The following CCDC144A variants were observed in gnomAD, a reference collection of about 807,000 sequenced individuals.
CCDC144A encodes the protein coiled-coil domain containing 144A, also known as coiled-coil domain-containing protein 144A.
Under a neutral mutation model 143.8 loss-of-function variants are expected in CCDC144A, and 41 were observed. The ratio of observed to expected loss-of-function variants is 0.29; its 90% CI spans 0.22 to 0.37. The LOEUF (loss-of-function observed/expected upper bound fraction) is 0.37, where lower values mean the gene tolerates loss of function less well. Among genes scored for constraint, CCDC144A ranks in the 10% least tolerant of loss-of-function variants. The pLI, the probability that CCDC144A is intolerant of heterozygous loss-of-function variation, is 1.00. For synonymous variants in CCDC144A, 242 were observed against 517.9 expected (o/e 0.47, Z 7.23); for missense variants, 637 against 1,488.8 (o/e 0.43, Z 9.41).
intron 2 of CCDC144A, among the ~76,000 whole-genome samples, chr17:16,698,647 CTCAAG>C (rs1374020125): frequency 7.2e-5 from 11 of 152,098 alleles, no homozygotes; most frequent in Non-Finnish European, 2.9e-5. Context: ...TTGTTTGGTA[CTCAAG>C]TCCTTGATAG....
Position 16,734,764 on chromosome 17 carries a change from G to T in CCDC144A, c.2493G>T (p.Leu831=). ...DCMLQEEIAL[L]RLEIDTIKNQ... ...TGTTGCAGGAAGAAATTGCCTTGCT[G>T]AGACTGGAAATAGATACAATAAAAA... The change falls in exon 12 of 17, where the codon CTG becomes CTT. Residue 831 remains leucine (L), a synonymous_variant. Coordinates refer to ENST00000399273, the MANE Select transcript of CCDC144A (RefSeq NM_001382000.1). 6.3e-7 allele frequency: 1 copy of T among 1,585,854 alleles called. No individual in the cohort carries two copies. The highest frequency in any genetic ancestry group is 8.6e-7 in the Non-Finnish European group (1 of 1,167,964).
rs566498985 is a variant in CCDC144A at position 16,764,284 on chromosome 17, T to C, written c.4098+109T>C. On this transcript the variant is annotated intron_variant, in intron 15 of 16. Coordinates refer to ENST00000399273, the MANE Select transcript of CCDC144A (RefSeq NM_001382000.1). ...TGTGTATGGTAAGTAAAAGTAATAA[T>C]TACCTGTGTTAATAAAGAGAGGAGA... The C allele has an allele frequency of 6.6e-6, 10 of 1,523,754 alleles. No homozygotes were observed. The South Asian group carries it at 1.0e-4, about 15-fold the overall frequency. 94.4% of individuals were successfully genotyped at this position (1,523,754 alleles called of 1,614,324 possible).
chr17:16,705,615 T>A, intron 3 of CCDC144A: 2 of 541,806 alleles, frequency 3.7e-6, no homozygotes, highest in East Asian at 3.3e-5. Flanking sequence ...CATGATTTTC[T>A]TTAGGAAGTA....
Position 16,763,993 on chromosome 17 carries a change from A to G in CCDC144A, c.3916A>G (p.Thr1306Ala). Residue 1306 changes from threonine (T) to alanine (A), a missense_variant, in exon 15 of 17, where the codon ACG (threonine) becomes GCG (alanine). Coordinates refer to ENST00000399273, the MANE Select transcript of CCDC144A (RefSeq NM_001382000.1). ...RTNEMIAEVS[T>A]QLTVEKEQTR... ...TAATGAGATGATAGCAGAGGTCAGT[A>G]CGCAACTTACTGTGGAGAAAGAGCA... The G allele has an allele frequency of 6.2e-7, 1 of 1,612,818 alleles. No homozygotes were observed.
Position 16,725,471 on chromosome 17 carries a change from G to T in CCDC144A, c.1892-2056G>T, listed in dbSNP as rs1426965176. 2.7e-5 allele frequency among the ~76,000 whole-genome samples: 4 copies of T among 150,538 alleles called. No individual in the cohort carries two copies. The East Asian group carries it at 7.9e-4, about 30-fold the overall frequency. ...TATAGTATATGATTTTAACATCACA[G>T]TCCATCTTCAAAAAATATTATGGCA... On this transcript the variant is annotated intron_variant, in intron 8 of 16. Transcript: ENST00000399273.
At chr17:16,714,638 G>T (rs2143149501) in intron 6 of CCDC144A, among the ~76,000 whole-genome samples, 1 of 151,616 alleles carries the variant, frequency 6.6e-6, no homozygotes, top group Non-Finnish European at 1.5e-5. Flanking sequence ...ACTGTTAATT[G>T]GTCTGTTTTT....
the CCDC144A span, among the ~76,000 whole-genome samples, chr17:16,677,660 C>T: frequency 2.6e-5 from 4 of 151,786 alleles, no homozygotes; most frequent in South Asian, 8.4e-4. Flanking sequence ...GGTGAAACCG[C>T]GTCTCTACTA....
At chr17:16,743,407 G>A (rs1355548639) in intron 12 of CCDC144A, among the ~76,000 whole-genome samples, 1 of 152,088 alleles carries the variant, frequency 6.6e-6, no homozygotes. Flanking sequence ...TAAATATGTG[G>A]ATTTATTTCT....
intron 12 of CCDC144A, among the ~76,000 whole-genome samples, chr17:16,749,012 C>T (rs1286268669): frequency 6.6e-6 from 1 of 151,834 alleles, no homozygotes; most frequent in African/African-American, 2.4e-5. Context: ...AGCTAGTAGC[C>T]TGTCAGTATT....
the CCDC144A span, among the ~76,000 whole-genome samples, chr17:16,673,544 G>A: frequency 2.6e-5 from 4 of 151,872 alleles, no homozygotes; most frequent in South Asian, 6.3e-4. Context: ...GTGCCACCAC[G>A]CCCGGCTAAT....
chr17:16,738,420 C>T (rs2143265099), intron 12 of CCDC144A, among the ~76,000 whole-genome samples: 1 of 143,304 alleles, frequency 7.0e-6, no homozygotes, highest in Middle Eastern at 3.5e-3. Context: ...CACAGAGTTG[C>T]ATAACCATCA....
At chr17:16,736,355 G>A (rs546193442) in intron 12 of CCDC144A, among the ~76,000 whole-genome samples, 4 of 150,912 alleles carry the variant, frequency 2.7e-5, no homozygotes, top group East Asian at 2.0e-4. Context: ...CAGGTGATCC[G>A]CCCGCCTTGG....
intron 15 of CCDC144A, among the ~76,000 whole-genome samples, chr17:16,770,772 C>T (rs1192233977): frequency 6.6e-6 from 1 of 151,798 alleles, no homozygotes; most frequent in Non-Finnish European, 1.5e-5. Context: ...TGCTCTGAAG[C>T]TGTGACTTTC....
intron 12 of CCDC144A, among the ~76,000 whole-genome samples, 198 bp from the exon 13 acceptor site, chr17:16,761,227 A>T (rs1437415315): frequency 2.0e-5 from 3 of 151,506 alleles, no homozygotes; most frequent in African/African-American, 4.9e-5. Context: ...AGTCCCAGCT[A>T]CTCCAGCTAC....
At chr17:16,746,201 T>C in intron 12 of CCDC144A, 2 of 1,485,252 alleles carry the variant, frequency 1.3e-6, no homozygotes, top group Middle Eastern at 2.0e-4. Context: ...CTCCCTTTTC[T>C]GGTTTCTTAA....
chr17:16,690,407 T>C lies in CCDC144A; in HGVS notation c.7T>C (p.Ser3Pro). ...AGGCAGTAGCTCGCTACTGATGGCC[T>C]CCTGGGGTGGAGAAAAGCGGGGAGG... Reference protein sequence around the residue: MASWGGEKRGGAE... With the variant: MAPWGGEKRGGAE... Residue 3 changes from serine to proline, a missense_variant, in exon 1 of 17, where the codon TCC becomes CCC. Ser to Pro is a moderately conservative substitution (Grantham distance 74). Coordinates refer to ENST00000399273, the MANE Select transcript of CCDC144A (RefSeq NM_001382000.1). 1 of 1,568,558 alleles carries C rather than the reference T, an allele frequency of 6.4e-7. No homozygotes were observed. Among genetic ancestry groups the C allele is most frequent in the Non-Finnish European group, 8.6e-7 (1 of 1,156,546 alleles).
intron 2 of CCDC144A, among the ~76,000 whole-genome samples, chr17:16,700,658 T>C (rs1170820574): frequency 1.3e-5 from 2 of 152,230 alleles, no homozygotes; most frequent in African/African-American, 2.4e-5. Context: ...TTTTATATAA[T>C]ATAATAGCAA....
At chr17:16,750,466 A>G (rs1185497105) in intron 12 of CCDC144A, among the ~76,000 whole-genome samples, 1 of 147,786 alleles carries the variant, frequency 6.8e-6, no homozygotes, top group African/African-American at 2.6e-5. Flanking sequence ...CACCTGATGC[A>G]GCTGTTATAG....
chr17:16,709,497 A>G lies in CCDC144A; in HGVS notation c.1440A>G (p.Pro480=), dbSNP rs1285270999. 1 of 1,611,484 alleles carries G rather than the reference A, an allele frequency of 6.2e-7. No homozygotes were observed. Among genetic ancestry groups the G allele is most frequent in the East Asian group, 2.2e-5 (1 of 44,852 alleles). The change falls in exon 5 of 17, where the codon CCA becomes CCG. Residue 480 remains proline (P), a synonymous_variant. Coordinates refer to ENST00000399273, the MANE Select transcript of CCDC144A (RefSeq NM_001382000.1). ...KPKLENLSSL[P]PDSDRTSEVY... ...AATTAGAAAATCTGAGTTCTTTACC[A>G]CCAGATTCTGACAGAACATCAGAAG... is the stretch of plus-strand genomic sequence containing the variant.
Sources: allele counts gnomAD v4.1 joint callset (sites outside exome capture counted in the v4.1 genomes callset), GRCh38; gene constraint gnomAD v4.1.1; transcripts MANE v1.5; gene names NCBI Gene and HGNC (gene_info 2026-07-23, HGNC 2026-07-21).